ISCA1: variants seen among roughly 807,000 people sequenced by gnomAD.
The protein encoded by ISCA1 is iron-sulfur cluster assembly 1 homolog, mitochondrial.
Under a neutral mutation model 14.7 loss-of-function variants are expected in ISCA1, and 9 were observed. The observed-to-expected ratio is 0.61, with a 90% CI of 0.37 to 1.07. ISCA1 has a LOEUF of 1.07. Among genes scored for constraint, ISCA1 ranks in the 50% least tolerant of loss-of-function variants. The pLI, the probability that ISCA1 is intolerant of heterozygous loss-of-function variation, is 0.01. For missense variants in ISCA1, 102 were observed against 150.1 expected (o/e 0.68, Z 1.67); for synonymous variants, 38 against 54.3 (o/e 0.70, Z 1.32).
chr9:86,282,527 G>C lies in ISCA1; in HGVS notation c.-69C>G, dbSNP rs774019333. Reference sequence around the variant, plus strand: ...CGCCTCAGCTTCTCTCCATGGACACGGCGGGCGCATTGACGCCACAAGCTT... The same window carrying C: ...CGCCTCAGCTTCTCTCCATGGACACCGCGGGCGCATTGACGCCACAAGCTT... On this transcript the variant is annotated 5_prime_UTR_variant, in exon 1 of 4. Coordinates refer to ENST00000375991, the MANE Select transcript of ISCA1 (RefSeq NM_030940.4). 1.2e-5 allele frequency: 19 copies of C among 1,549,322 alleles called. No homozygotes were observed. In the South Asian group the frequency reaches 1.8e-4, roughly 15 times the overall value.
chr9:86,275,663 T>G (rs1825432302), intron 1 of ISCA1, among the ~76,000 whole-genome samples: 1 of 152,230 alleles, frequency 6.6e-6, no homozygotes, highest in Admixed American at 6.5e-5. Flanking sequence ...ATAGTATCTG[T>G]GTATATACAT....
chr9:86,282,223 G>A (rs546390893), intron 1 of ISCA1, 155 bp downstream of exon 1: 31 of 759,394 alleles, frequency 4.1e-5, no homozygotes, highest in Admixed American at 1.3e-4. Flanking sequence ...GGCCGGAGGC[G>A]AAGGAGGCGG....
intron 1 of ISCA1, among the ~76,000 whole-genome samples, chr9:86,277,492 C>T (rs1825452886): frequency 6.6e-6 from 1 of 152,148 alleles, no homozygotes; most frequent in Non-Finnish European, 1.5e-5. Flanking sequence ...AAAAATCGAG[C>T]TATAAGAGGT....
At chr9:86,282,250 G>C (rs745484102) in intron 1 of ISCA1, 128 bp downstream of exon 1, 119 of 1,036,638 alleles carry the variant, frequency 1.1e-4, no homozygotes, top group East Asian at 2.5e-4. Flanking sequence ...TGTGCGGCGG[G>C]TCGGAGCGAC....
Position 86,282,452 on chromosome 9 carries a change from C to T in ISCA1, c.7G>A (p.Ala3Thr). The T allele has an allele frequency of 1.3e-6, 2 of 1,553,248 alleles. No individual in the cohort carries two copies. The highest frequency in any genetic ancestry group is 2.4e-5 in the South Asian group (2 of 84,310). The change falls in exon 1 of 4, where the codon GCT (alanine) becomes ACT (threonine). Residue 3 changes from alanine (A) to threonine (T), a missense_variant. Ala to Thr is a moderately conservative substitution (Grantham distance 58). Transcript: ENST00000375991. Reference protein sequence around the residue: MSASLVRATVRAV... With the variant: MSTSLVRATVRAV... The stretch of plus-strand genomic sequence containing the variant: ...CGGACAGTTGCCCGGACTAAGGAAG[C>T]CGACATCTTCGCCGTCCCGGCGCCC...
intron 1 of ISCA1, among the ~76,000 whole-genome samples, chr9:86,276,870 CAAAAAAAAAAA>C (rs35460722): frequency 5.0e-5 from 2 of 39,910 alleles, no homozygotes; most frequent in South Asian, 1.7e-3. Flanking sequence ...GACTCTGTCT[CAAAAAAAAAAA>C]AAAAAAAAAA....
chr9:86,266,550 A>C (rs557234887), intron 3 of ISCA1, among the ~76,000 whole-genome samples: 4 of 152,190 alleles, frequency 2.6e-5, no homozygotes, highest in Non-Finnish European at 5.9e-5. Flanking sequence ...AATTTATGAA[A>C]ATTCTGCAAT....
intron 2 of ISCA1, among the ~76,000 whole-genome samples, chr9:86,273,435 G>A (rs552937547): frequency 8.5e-5 from 13 of 152,202 alleles, no homozygotes; most frequent in African/African-American, 2.6e-4. Flanking sequence ...TGGTGTTTGC[G>A]GCAGCACTGA....
At chr9:86,277,397 G>GA (rs1459093255) in intron 1 of ISCA1, among the ~76,000 whole-genome samples, 1 of 152,098 alleles carries the variant, frequency 6.6e-6, no homozygotes, top group Non-Finnish European at 1.5e-5. Context: ...TCAACCAAGG[G>GA]AAAAGGTTCT....
chr9:86,269,546 C>T (rs1825339393), intron 3 of ISCA1, among the ~76,000 whole-genome samples: 1 of 151,850 alleles, frequency 6.6e-6, no homozygotes, highest in African/African-American at 2.4e-5. Flanking sequence ...ATGCCATCCC[C>T]ATCAAGCTAC....
Position 86,272,094 on chromosome 9 carries a change from C to A in ISCA1, c.154G>T (p.Val52Phe). ...KPEHVGVKVG[V>F]RTRGCNGLSY... ...AGGCCATTACAGCCCCTGGTTCGGACACCAACTTTTACACCTACCTGAAAA... is the reference window on the plus strand; with the variant it reads ...AGGCCATTACAGCCCCTGGTTCGGAAACCAACTTTTACACCTACCTGAAAA... Residue 52 changes from valine (V) to phenylalanine (F), a missense_variant, in exon 3 of 4, where the codon GTC becomes TTC. Val to Phe is a conservative substitution (Grantham distance 50). Transcript: ENST00000375991. 1 of 1,598,738 alleles carries A rather than the reference C, an allele frequency of 6.3e-7. No individual in the cohort carries two copies. The highest frequency in any genetic ancestry group is 8.6e-7 in the Non-Finnish European group (1 of 1,166,416).
At chr9:86,277,177 G>A (rs1825448828) in intron 1 of ISCA1, among the ~76,000 whole-genome samples, 1 of 152,082 alleles carries the variant, frequency 6.6e-6, no homozygotes, top group Admixed American at 6.5e-5. Flanking sequence ...GCAATTCGTG[G>A]GGATTGGTCT....
chr9:86,273,409 CTAAA>C (rs1316516291), intron 2 of ISCA1, among the ~76,000 whole-genome samples: 2 of 152,142 alleles, frequency 1.3e-5, no homozygotes, highest in African/African-American at 4.8e-5. Flanking sequence ...ACTGCAGACA[CTAAA>C]TAGTTGCTGA....
At chr9:86,275,654 T>C in intron 1 of ISCA1, among the ~76,000 whole-genome samples, 1 of 152,348 alleles carries the variant, frequency 6.6e-6, no homozygotes. Context: ...TATTAATATA[T>C]AGTATCTGTG....
intron 1 of ISCA1, 52 bp downstream of exon 1, chr9:86,282,326 G>C: frequency 6.6e-7 from 1 of 1,513,242 alleles, no homozygotes; most frequent in Non-Finnish European, 8.9e-7. Flanking sequence ...CCCCTTGCAC[G>C]GGGCGGACAC....
At chr9:86,277,640 G>A (rs1825454499) in intron 1 of ISCA1, among the ~76,000 whole-genome samples, 2 of 152,150 alleles carry the variant, frequency 1.3e-5, no homozygotes, top group Non-Finnish European at 2.9e-5. Flanking sequence ...ATGCTGCAGG[G>A]CCTAGCAGCC....
intron 1 of ISCA1, among the ~76,000 whole-genome samples, chr9:86,274,672 A>ATTTTT (rs1825419113): frequency 6.6e-6 from 1 of 151,922 alleles, no homozygotes; most frequent in Non-Finnish European, 1.5e-5. Flanking sequence ...TTGATTATTA[A>ATTTTT]TCCTACTGCT....
At chr9:86,275,147 G>T (rs1178818018) in intron 1 of ISCA1, among the ~76,000 whole-genome samples, 1 of 152,074 alleles carries the variant, frequency 6.6e-6, no homozygotes. Context: ...TTCTTGTGAG[G>T]ATTAAATATT....
chr9:86,280,749 A>C (rs1825501773), intron 1 of ISCA1, among the ~76,000 whole-genome samples: 1 of 152,008 alleles, frequency 6.6e-6, no homozygotes, highest in Non-Finnish European at 1.5e-5. Context: ...CAGGAGTTCG[A>C]GACCAGCCTG....
Sources: gnomAD v4.1 joint callset for allele counts (sites outside exome capture counted in the v4.1 genomes callset) on GRCh38, gnomAD v4.1.1 for gene constraint, MANE v1.5 for transcripts, NCBI Gene and HGNC (gene_info 2026-07-23, HGNC 2026-07-21) for gene names.